Variants in ARHGAP24 observed in about 807,000 individuals in gnomAD.
The protein encoded by ARHGAP24 is Rho GTPase activating protein 24.
Under a neutral mutation model 76.4 loss-of-function variants are expected in ARHGAP24, and 50 were observed. The observed-to-expected ratio is 0.65, with a 90% confidence interval of 0.52 to 0.83. The LOEUF is 0.83. Among genes scored for constraint, ARHGAP24 ranks in the 40% least tolerant of loss-of-function variants. ARHGAP24 has a pLI of 0.00. For missense variants in ARHGAP24, 930 were observed against 914.2 expected (o/e 1.02, Z -0.22); for synonymous variants, 345 against 323.3 (o/e 1.07, Z -0.72).
chr4:85,635,297 C>G lies in ARHGAP24; in HGVS notation c.180+64576C>G, dbSNP rs115859059. 7.0e-3 allele frequency among the ~76,000 whole-genome samples: 1,066 copies of G among 151,590 alleles called. 14 individuals carry two copies. Among genetic ancestry groups the G allele is most frequent in the African/African-American group, 0.025 (1,021 of 41,400 alleles). On this transcript the variant is annotated intron_variant, in intron 2 of 9. Coordinates refer to ENST00000395184, the MANE Select transcript of ARHGAP24 (RefSeq NM_001025616.3). The stretch of plus-strand genomic sequence containing the variant: ...CCACTTTTTTTTTAATCAGGAAAGA[C>G]CTTATTAACACATTCATCCCCAACC...
chr4:85,751,952 CT>C (rs1355454587), intron 3 of ARHGAP24, among the ~76,000 whole-genome samples: 2 of 152,198 alleles, frequency 1.3e-5, no homozygotes, highest in Admixed American at 6.5e-5. Flanking sequence ...GTATTAAGCA[CT>C]GAATTCTAGC....
chr4:85,753,673 C>T (rs1309630244), intron 3 of ARHGAP24, among the ~76,000 whole-genome samples: 2 of 152,138 alleles, frequency 1.3e-5, no homozygotes, highest in Non-Finnish European at 2.9e-5. Flanking sequence ...GGAATGCTCC[C>T]TTTTCTGGCC....
intron 3 of ARHGAP24, among the ~76,000 whole-genome samples, chr4:85,895,068 G>A (rs574860091): frequency 6.2e-5 from 9 of 145,596 alleles, no homozygotes; most frequent in Admixed American, 3.5e-4. Flanking sequence ...AGATCGGGAC[G>A]GAGTAAGAGG....
rs539527551 is a variant in ARHGAP24, at chr4:85,606,381, C to T, written c.180+35660C>T. Among the ~76,000 whole-genome samples the T allele has an allele frequency of 5.9e-5, 9 of 152,022 alleles. No homozygotes were observed. In the South Asian group the frequency reaches 8.3e-4, roughly 14 times the overall value. ...CAAAAAAATTGACTGGGCGTGGTTG[C>T]GGGTGCCTGTAGTCCCAGCTACTCG... On this transcript the variant is annotated intron_variant, in intron 2 of 9. Transcript: ENST00000395184.
intron 4 of ARHGAP24, among the ~76,000 whole-genome samples, chr4:85,931,605 T>C (rs188468206): frequency 1.2e-3 from 183 of 152,248 alleles, no homozygotes; most frequent in African/African-American, 4.3e-3. Flanking sequence ...TATCACAAGG[T>C]GGCACTGGGA....
chr4:85,547,512 TG>T (rs1365752110), intron 1 of ARHGAP24, among the ~76,000 whole-genome samples: 1 of 152,132 alleles, frequency 6.6e-6, no homozygotes, highest in Non-Finnish European at 1.5e-5. Context: ...CACAGGTCAC[TG>T]TAGTCTCGAC....
At chr4:85,606,785 A>G (rs1270403169) in intron 2 of ARHGAP24, among the ~76,000 whole-genome samples, 1 of 152,232 alleles carries the variant, frequency 6.6e-6, no homozygotes, top group Non-Finnish European at 1.5e-5. Context: ...CTGACATTAT[A>G]TAAATACATA....
intron 3 of ARHGAP24, among the ~76,000 whole-genome samples, chr4:85,754,838 G>A (rs1040577551): frequency 6.6e-5 from 10 of 152,202 alleles, no homozygotes; most frequent in South Asian, 2.1e-4. Flanking sequence ...GTTATCATGC[G>A]ACACTGAGCA....
chr4:85,685,075 T>C (rs1023130975), intron 2 of ARHGAP24, among the ~76,000 whole-genome samples: 2 of 152,330 alleles, frequency 1.3e-5, no homozygotes, highest in Non-Finnish European at 2.9e-5. Flanking sequence ...GCCTCCTTCA[T>C]ATTTTCTCTA....
chr4:85,538,950 G>A (rs945064826), intron 1 of ARHGAP24, among the ~76,000 whole-genome samples: 6 of 152,254 alleles, frequency 3.9e-5, no homozygotes, highest in South Asian at 2.1e-4. Flanking sequence ...GGTCCTGATG[G>A]ATTTTGCAAA....
intron 3 of ARHGAP24, among the ~76,000 whole-genome samples, chr4:85,840,422 C>G (rs1730535167): frequency 6.6e-6 from 1 of 152,192 alleles, no homozygotes. Context: ...CTTCAGGGTG[C>G]ACACTGCGCC....
At chr4:85,599,140 C>T (rs1021076517) in intron 2 of ARHGAP24, among the ~76,000 whole-genome samples, 1 of 152,116 alleles carries the variant, frequency 6.6e-6, no homozygotes, top group South Asian at 2.1e-4. Flanking sequence ...ATGGTTTGCT[C>T]TGCCTCCAGC....
intron 2 of ARHGAP24, among the ~76,000 whole-genome samples, chr4:85,640,643 G>A (rs904129699): frequency 1.3e-5 from 2 of 152,038 alleles, no homozygotes; most frequent in East Asian, 1.9e-4. Flanking sequence ...TTTCAAAATC[G>A]ACAGGTCAGC....
chr4:85,498,024 T>C (rs1455723059), intron 1 of ARHGAP24, among the ~76,000 whole-genome samples: 1 of 152,232 alleles, frequency 6.6e-6, no homozygotes, highest in Non-Finnish European at 1.5e-5. Flanking sequence ...CCTTTTTCTC[T>C]TAAGTTGGTT....
intron 2 of ARHGAP24, among the ~76,000 whole-genome samples, chr4:85,701,924 C>T (rs533020644): frequency 6.6e-6 from 1 of 152,094 alleles, no homozygotes; most frequent in Non-Finnish European, 1.5e-5. Flanking sequence ...GTGGTCAGAT[C>T]ACACTTCCTT....
intron 3 of ARHGAP24, among the ~76,000 whole-genome samples, chr4:85,793,958 TAA>T (rs1728236366): frequency 6.6e-6 from 1 of 152,222 alleles, no homozygotes; most frequent in African/African-American, 2.4e-5. Context: ...GTGATTTATT[TAA>T]GAGTATGAAG....
intron 3 of ARHGAP24, among the ~76,000 whole-genome samples, chr4:85,825,331 A>T (rs573220533): frequency 5.9e-5 from 9 of 152,254 alleles, no homozygotes; most frequent in Admixed American, 2.0e-4. Flanking sequence ...TGCAGTTCAG[A>T]CTCTGCCTCT....
intron 1 of ARHGAP24, among the ~76,000 whole-genome samples, chr4:85,525,793 A>C (rs529519245): frequency 4.7e-4 from 71 of 152,320 alleles, no homozygotes; most frequent in African/African-American, 1.7e-3. Context: ...TTTCTAGTGC[A>C]TCAGCTATGG....
chr4:85,592,059 G>T (rs181880230), intron 2 of ARHGAP24, among the ~76,000 whole-genome samples: 1 of 152,276 alleles, frequency 6.6e-6, no homozygotes, highest in African/African-American at 2.4e-5. Flanking sequence ...GGATTTGTCA[G>T]ATGTGACTCC....
Sources: allele counts gnomAD v4.1 joint callset (sites outside exome capture counted in the v4.1 genomes callset), GRCh38; gene constraint gnomAD v4.1.1; transcripts MANE v1.5; gene names NCBI Gene and HGNC (gene_info 2026-07-23, HGNC 2026-07-21).